The following TCF3 variants were observed in gnomAD, a reference collection of about 807,000 sequenced individuals.
The protein encoded by TCF3 is transcription factor 3.
A neutral mutation model predicts 72.3 loss-of-function variants in TCF3; 54 were observed. That is an observed-to-expected ratio of 0.75 (90% CI 0.60 to 0.94). TCF3 has a LOEUF of 0.94. Ranked by LOEUF, TCF3 falls within the 40% of genes least tolerant of loss-of-function variation. The probability of loss-of-function intolerance (pLI) is 0.00; values close to 1 mark genes in which losing one functional copy is unlikely to be tolerated. For missense variants in TCF3, 1,078 were observed against 934.4 expected, an observed-to-expected ratio of 1.15 and a Z score of -2.00; for synonymous variants, 525 against 412.6, an observed-to-expected ratio of 1.27 and a Z score of -3.30.
chr19:1,645,700 A>G (rs2145596863), intron 3 of TCF3, among the ~76,000 whole-genome samples: 1 of 152,212 alleles, frequency 6.6e-6, no homozygotes, highest in Non-Finnish European at 1.5e-5. Context: ...TGTGATTTTC[A>G]GGCCACCCCC....
rs537698150 is a variant in TCF3, at chr19:1,626,162, G to A, written c.367-454C>T. Reference sequence around the variant, plus strand: ...CGGAACTGACTCCTGCATTTCATCCGTTCTAAGGCCGGGCACGGTGGCTCA... The same window carrying A: ...CGGAACTGACTCCTGCATTTCATCCATTCTAAGGCCGGGCACGGTGGCTCA... On this transcript the variant is annotated intron_variant, in intron 6 of 18. Transcript: ENST00000262965. 1.4e-4 allele frequency among the ~76,000 whole-genome samples: 22 copies of A among 152,258 alleles called. No individual in the cohort carries two copies. The South Asian group carries it at 1.7e-3, about 11-fold the overall frequency.
Position 1,614,689 on chromosome 19 carries a change from CG to C in TCF3, c.1822+595del, listed in dbSNP as rs1471690909. Among the ~76,000 whole-genome samples the C allele has an allele frequency of 6.6e-6, 1 of 152,048 alleles. No individual in the cohort carries two copies. The highest frequency in any genetic ancestry group is 2.4e-5 in the African/African-American group (1 of 41,392). On this transcript the variant is annotated intron_variant, in intron 18 of 18. Transcript: ENST00000262965. This position sits in a 1 kb window ranked among gnomAD's most constrained non-coding sequence, Gnocchi z 5.6. Reference sequence around the variant, plus strand: ...TTAAGGAAGCAGCCGCCAGCGCCAGCGGGGGGAAGGAGTCAGCTCACATCTG... The same window carrying C: ...TTAAGGAAGCAGCCGCCAGCGCCAGCGGGGGAAGGAGTCAGCTCACATCTG...
chr19:1,611,710 C>T lies in TCF3; in HGVS notation c.1962G>A (p.Met654Ile), dbSNP rs201935069. ...LSEAHNPAGH[M>I] The stretch of plus-strand genomic sequence containing the variant: ...TCGTCCCACGGAGGCATACCTTTCA[C>T]ATGTGCCCGGCGGGGTTGTGGGCTT... Residue 654 changes from methionine to isoleucine, a missense_variant, in exon 19 of 19, where the codon ATG becomes ATA. Met to Ile is a conservative substitution (Grantham distance 10). Coordinates refer to ENST00000262965, the MANE Select transcript of TCF3 (RefSeq NM_003200.5). 18 of 1,612,712 alleles carry T rather than the reference C, an allele frequency of 1.1e-5. No individual in the cohort carries two copies. The highest frequency in any genetic ancestry group is 1.4e-5 in the Non-Finnish European group (17 of 1,179,434).
At position 1,619,418 on chromosome 19, in the gene TCF3, G is replaced by T; in HGVS notation, c.1224C>A (p.Ala408=). ...DEAIHVLRSH[A]VGTAGDMHTL... is the part of the protein sequence containing the mutation. ...TGTGCATGTCGCCGGCTGTGCCCAC[G>T]GCGTGGCTGCGGAGCACGTGGATGG... The change falls in exon 15 of 19, where the codon GCC becomes GCA. Residue 408 remains alanine (A), a synonymous_variant. Coordinates refer to ENST00000262965, the MANE Select transcript of TCF3 (RefSeq NM_003200.5). The T allele has an allele frequency of 6.3e-7, 1 of 1,592,362 alleles. No homozygotes were observed. The highest frequency in any genetic ancestry group is 8.5e-7 in the Non-Finnish European group (1 of 1,176,064).
At chr19:1,634,714 C>T (rs568772224) in intron 3 of TCF3, among the ~76,000 whole-genome samples, 1 of 152,294 alleles carries the variant, frequency 6.6e-6, no homozygotes, top group Non-Finnish European at 1.5e-5. Flanking sequence ...CTTCAAAAGG[C>T]GCTTAGTAAA....
At chr19:1,640,410 C>CT (rs11435295) in intron 3 of TCF3, among the ~76,000 whole-genome samples, 7,695 of 151,976 alleles carry the variant, frequency 0.051, 603 homozygotes, top group East Asian at 0.41. Flanking sequence ...ACTAAACTCT[C>CT]TAAGTTTCAG....
At chr19:1,637,699 A>G (rs2145194599) in intron 3 of TCF3, among the ~76,000 whole-genome samples, 1 of 152,320 alleles carries the variant, frequency 6.6e-6, no homozygotes, top group South Asian at 2.1e-4. Flanking sequence ...CACGAGGTCC[A>G]GAAATCAAGA....
chr19:1,650,425 TG>T, intron 1 of TCF3, 138 bp from the exon 2 acceptor site: 6 of 628,696 alleles, frequency 9.5e-6, no homozygotes, highest in Non-Finnish European at 1.6e-5. Context: ...AGCAGAGCCC[TG>T]GGGGCACGGG....
At chr19:1,620,107 CAG>C (rs762994144) in intron 13 of TCF3, among the ~76,000 whole-genome samples, 7 of 152,276 alleles carry the variant, frequency 4.6e-5, no homozygotes, top group Admixed American at 2.6e-4. Context: ...ACTCCCCACT[CAG>C]AGGATAAAGT....
At position 1,614,365 on chromosome 19, in the gene TCF3, G is replaced by GA. The variant is rs1201290499; in HGVS notation, c.1822+919dup. On this transcript the variant is annotated intron_variant, in intron 18 of 18. Coordinates refer to ENST00000262965, the MANE Select transcript of TCF3 (RefSeq NM_003200.5). The surrounding 1 kb of genome is among the most constrained non-coding windows in gnomAD (Gnocchi z 5.6). Reference sequence around the variant, plus strand: ...GCCCTGACGGGGGGCTTTGGGGGAGGAAACGCCCTGAGGTTGCAGCCCAGC... The same window carrying GA: ...GCCCTGACGGGGGGCTTTGGGGGAGGAAAACGCCCTGAGGTTGCAGCCCAGC... Among the ~76,000 whole-genome samples the GA allele has an allele frequency of 7.2e-5, 11 of 152,216 alleles. No individual in the cohort carries two copies. Among genetic ancestry groups the GA allele is most frequent in the Non-Finnish European group, 1.6e-4 (11 of 68,036 alleles).
chr19:1,633,550 C>CG (rs36077084), intron 3 of TCF3, among the ~76,000 whole-genome samples: 1 of 152,206 alleles, frequency 6.6e-6, no homozygotes, highest in African/African-American at 2.4e-5. Context: ...TCATTCCCCC[C>CG]GGGGAGTATT....
intron 2 of TCF3, 65 bp downstream of exon 2, chr19:1,650,112 G>A (rs980052956): frequency 1.2e-5 from 17 of 1,459,044 alleles, no homozygotes; most frequent in East Asian, 2.5e-5. Flanking sequence ...ACTCTCCCCT[G>A]AAAACCTTCC....
rs557730083 is a variant in TCF3 at position 1,611,933 on chromosome 19, G to A, written c.1823-84C>T. Reference sequence around the variant, plus strand: ...GTGGGAGTGGGGGGTAGGATGTCGGGGGGGGGGGTGGGGGCAGAGCCCCAT... The same window carrying A: ...GTGGGAGTGGGGGGTAGGATGTCGGAGGGGGGGGTGGGGGCAGAGCCCCAT... On this transcript the variant is annotated intron_variant, in intron 18 of 18. Transcript: ENST00000262965. 6.3e-5 allele frequency: 14 copies of A among 220,756 alleles called. No individual in the cohort carries two copies. The East Asian group carries it at 9.4e-4, about 15-fold the overall frequency. The allele number at this position is 220,756 out of a possible 1,614,324, so 13.7% of individuals were successfully genotyped here.
At chr19:1,618,778 G>A (rs1049131844) in intron 16 of TCF3, among the ~76,000 whole-genome samples, 1 of 152,212 alleles carries the variant, frequency 6.6e-6, no homozygotes, top group African/African-American at 2.4e-5. Flanking sequence ...CACCTGTACT[G>A]TGCAGCGAGC....
chr19:1,644,949 C>G (rs1278380348), intron 3 of TCF3, among the ~76,000 whole-genome samples: 1 of 152,154 alleles, frequency 6.6e-6, no homozygotes, highest in Non-Finnish European at 1.5e-5. Flanking sequence ...ATTAGCATGT[C>G]CGGTTCCTGG....
At chr19:1,617,797 G>C (rs1029068049) in intron 16 of TCF3, among the ~76,000 whole-genome samples, 2 of 152,144 alleles carry the variant, frequency 1.3e-5, no homozygotes, top group African/African-American at 4.8e-5. Context: ...TCTGGGGTGG[G>C]GCCGTCCTGG....
chr19:1,640,965 G>A (rs1276635221), intron 3 of TCF3, among the ~76,000 whole-genome samples: 2 of 152,094 alleles, frequency 1.3e-5, no homozygotes, highest in African/African-American at 4.8e-5. Flanking sequence ...CCTGGCCAAC[G>A]TGGCGAAACC....
intron 7 of TCF3, 36 bp downstream of exon 7, chr19:1,625,540 C>G (rs2062779915): frequency 6.5e-7 from 1 of 1,530,150 alleles, no homozygotes; most frequent in Non-Finnish European, 8.7e-7. Flanking sequence ...GGCTCCCTCC[C>G]AGAAGCCCCC....
intron 3 of TCF3, among the ~76,000 whole-genome samples, chr19:1,633,870 C>G (rs1485953491): frequency 6.6e-6 from 1 of 152,180 alleles, no homozygotes; most frequent in South Asian, 2.1e-4. Flanking sequence ...GGGGTGGGCA[C>G]AGCGCCGGCA....
Sources: allele counts gnomAD v4.1 joint callset (sites outside exome capture counted in the v4.1 genomes callset), GRCh38; gene constraint gnomAD v4.1.1; non-coding constraint Gnocchi (gnomAD v3.1); transcripts MANE v1.5; gene names NCBI Gene and HGNC (gene_info 2026-07-23, HGNC 2026-07-21).